Variants in AGXT2 observed in about 807,000 individuals in gnomAD.
AGXT2 encodes the protein alanine--glyoxylate aminotransferase 2.
Under a neutral mutation model 62.5 loss-of-function variants are expected in AGXT2, and 61 were observed. The observed-to-expected ratio is 0.98, with a 90% confidence interval of 0.79 to 1.21. The LOEUF is 1.21. AGXT2 is among the 50% of genes most tolerant of loss of function. The pLI, the probability that AGXT2 is intolerant of heterozygous loss-of-function variation, is 0.00. For synonymous variants in AGXT2, 243 were observed against 218.7 expected (o/e 1.11, Z -0.98); for missense variants, 666 against 641.5 (o/e 1.04, Z -0.41).
chr5:35,002,222 A>T (rs532424750), intron 13 of AGXT2, among the ~76,000 whole-genome samples: 940 of 26,898 alleles, frequency 0.035, 5 homozygotes, highest in Non-Finnish European at 0.11. Flanking sequence ...AAAAAATCAC[A>T]GAGCACATCC....
chr5:35,035,105 C>G (rs1162366597), intron 5 of AGXT2, 117 bp downstream of exon 5: 3 of 917,516 alleles, frequency 3.3e-6, no homozygotes, highest in Non-Finnish European at 3.6e-6. Flanking sequence ...AACTTAACAA[C>G]TAGAAAAATA....
At chr5:35,004,064 A>G (rs78600797) in intron 12 of AGXT2, among the ~76,000 whole-genome samples, 13,840 of 152,184 alleles carry the variant, frequency 0.091, 815 homozygotes, top group South Asian at 0.16. Flanking sequence ...GATGTTATTT[A>G]AAATGTTTGT....
chr5:35,013,968 A>G lies in AGXT2; in HGVS notation c.1096+19T>C. The G allele has an allele frequency of 6.2e-7, 1 of 1,613,768 alleles. No individual in the cohort carries two copies. The highest frequency in any genetic ancestry group is 8.5e-7 in the Non-Finnish European group (1 of 1,179,812). ...TGTACGAGGCCCAGAAGCAAACACA[A>G]ACTGCCTGTGGGTCCTACCTGGAGT... is the stretch of plus-strand genomic sequence containing the variant. On this transcript the variant is annotated intron_variant, in intron 10 of 13. Transcript: ENST00000231420.
At chr5:35,016,717 T>C (rs1417775258) in intron 9 of AGXT2, among the ~76,000 whole-genome samples, 1 of 152,152 alleles carries the variant, frequency 6.6e-6, no homozygotes, top group Admixed American at 6.5e-5. Context: ...TTACTGACTG[T>C]TTTGCAGCAA....
Position 35,013,053 on chromosome 5 carries a change from G to A in AGXT2, c.1097-8C>T. 2.6e-6 allele frequency: 4 copies of A among 1,551,188 alleles called. No individual in the cohort carries two copies. Among genetic ancestry groups the A allele is most frequent in the Non-Finnish European group, 3.5e-6 (4 of 1,146,544 alleles). ...CCAAAGATTTGGCAATCTCTAGAGG[G>A]AGAAAATAGAAGGTGTGGAAAGAGG... is the stretch of plus-strand genomic sequence containing the variant. On this transcript the variant is annotated splice_polypyrimidine_tract_variant and splice_region_variant and intron_variant, in intron 10 of 13. Transcript: ENST00000231420.
chr5:35,014,424 G>T lies in AGXT2; in HGVS notation c.964-305C>A, dbSNP rs28760372. Reference sequence around the variant, plus strand: ...GCCGAGATTGCACCACTGCACTCCAGCCTGAGTGACAGGGTGAGACTCCAT... The same window carrying T: ...GCCGAGATTGCACCACTGCACTCCATCCTGAGTGACAGGGTGAGACTCCAT... On this transcript the variant is annotated intron_variant, in intron 9 of 13. Transcript: ENST00000231420. Among the ~76,000 whole-genome samples, 1,148 of 133,098 alleles carry T rather than the reference G, an allele frequency of 8.6e-3. 19 individuals carry two copies. The highest frequency in any genetic ancestry group is 0.032 in the African/African-American group (1,095 of 34,144). The allele number at this position is 133,098 out of a possible 152,430, so 87.3% of individuals were successfully genotyped here. A position where few individuals can be genotyped will look rare whatever the true frequency, so the allele number is the denominator to read the frequency against.
intron 7 of AGXT2, among the ~76,000 whole-genome samples, chr5:35,027,342 G>C (rs1207671180): frequency 6.6e-6 from 1 of 152,108 alleles, no homozygotes; most frequent in Non-Finnish European, 1.5e-5. Context: ...AAGCAGTAAA[G>C]TGTCCTTGTT....
chr5:35,036,578 A>T (rs1480212509), intron 4 of AGXT2, among the ~76,000 whole-genome samples: 1 of 152,264 alleles, frequency 6.6e-6, no homozygotes, highest in East Asian at 1.9e-4. Context: ...GAGCGATGAG[A>T]TAAAAACCTC....
intron 3 of AGXT2, among the ~76,000 whole-genome samples, chr5:35,038,839 C>G (rs1487827379): frequency 6.6e-6 from 1 of 152,170 alleles, no homozygotes; most frequent in Non-Finnish European, 1.5e-5. Flanking sequence ...CCATACATTT[C>G]CAGGTAAATT....
chr5:35,035,647 C>G (rs1023211557), intron 4 of AGXT2, among the ~76,000 whole-genome samples: 3 of 152,120 alleles, frequency 2.0e-5, no homozygotes, highest in African/African-American at 7.2e-5. Flanking sequence ...CTGATAGATC[C>G]AAAGGTTGGG....
chr5:35,023,543 A>T (rs1323288506), intron 9 of AGXT2, among the ~76,000 whole-genome samples: 1 of 152,260 alleles, frequency 6.6e-6, no homozygotes, highest in Non-Finnish European at 1.5e-5. Flanking sequence ...CTTCTCTTTA[A>T]TTAGTCTGAC....
intron 9 of AGXT2, among the ~76,000 whole-genome samples, chr5:35,021,129 G>A (rs1297884545): frequency 1.1e-4 from 17 of 152,154 alleles, no homozygotes; most frequent in South Asian, 4.1e-4. Flanking sequence ...AATCAATATC[G>A]TGAAAATGGC....
chr5:35,004,018 A>C (rs113505053), intron 12 of AGXT2, among the ~76,000 whole-genome samples, 157 bp from the exon 13 acceptor site: 35 of 152,084 alleles, frequency 2.3e-4, no homozygotes, highest in Non-Finnish European at 4.3e-4. Context: ...CCTGTAATTA[A>C]ATGAAGCTGC....
rs1450116865 is a variant in AGXT2, at chr5:35,010,065, AT to A, written c.1272del (p.Glu424AspfsTer14). On this transcript the variant is annotated frameshift_variant, in exon 12 of 14. Transcript: ENST00000231420. LOFTEE classifies it high-confidence loss of function. ...MLLKFAKLRD[E>X]FEIVGDVRGK... ...CCTCGGACGTCTCCAACAATTTCAA[AT>A]TCATCCCGCAGCTTAGCAAACTTTA... 7 of 1,614,096 alleles carry A rather than the reference AT, an allele frequency of 4.3e-6. No individual in the cohort carries two copies. The highest frequency in any genetic ancestry group is 5.9e-6 in the Non-Finnish European group (7 of 1,180,040).
At position 35,040,562 on chromosome 5, in the gene AGXT2, C is replaced by T. The variant is rs1473017755; in HGVS notation, c.177+13G>A. 5 of 1,610,120 alleles carry T rather than the reference C, an allele frequency of 3.1e-6. No individual in the cohort carries two copies. The highest frequency in any genetic ancestry group is 4.3e-6 in the Non-Finnish European group (5 of 1,176,440). On this transcript the variant is annotated intron_variant, in intron 2 of 13. Coordinates refer to ENST00000231420, the MANE Select transcript of AGXT2 (RefSeq NM_031900.4). ...ACTACCTCTTTGAGTTTTCTTAAAG[C>T]CCTGAATCTCACCTGGTATCTTTCA...
At chr5:35,000,625 G>A (rs1470475093) in intron 13 of AGXT2, among the ~76,000 whole-genome samples, 1 of 152,142 alleles carries the variant, frequency 6.6e-6, no homozygotes, top group East Asian at 1.9e-4. Context: ...CAAGTGATCT[G>A]CCGCTTCGGC....
chr5:35,041,867 T>C, intron 1 of AGXT2, among the ~76,000 whole-genome samples: 1 of 152,214 alleles, frequency 6.6e-6, no homozygotes, highest in South Asian at 2.1e-4. Context: ...CAAAGAGATA[T>C]ATAATCACTA....
intron 6 of AGXT2, chr5:35,033,185 T>A: frequency 2.0e-6 from 1 of 492,754 alleles, no homozygotes; most frequent in East Asian, 3.9e-5. Flanking sequence ...TGCATAGAAG[T>A]TTTGTGCATT....
intron 10 of AGXT2, 115 bp from the exon 11 acceptor site, chr5:35,013,160 A>G (rs1283274696): frequency 1.1e-5 from 10 of 907,248 alleles, no homozygotes; most frequent in African/African-American, 3.3e-5. Flanking sequence ...AATCCAATTC[A>G]TCCTTCATTC....
Sources: allele counts gnomAD v4.1 joint callset (sites outside exome capture counted in the v4.1 genomes callset), GRCh38; gene constraint gnomAD v4.1.1; transcripts MANE v1.5; gene names NCBI Gene and HGNC (gene_info 2026-07-23, HGNC 2026-07-21).